The following APOBEC1 variants were observed in gnomAD, a reference collection of about 807,000 sequenced individuals.
The protein encoded by APOBEC1 is C->U-editing enzyme APOBEC-1.
APOBEC1 carries 22 observed loss-of-function variants against 26.3 expected under a neutral mutation model. The observed-to-expected ratio is 0.84, with a 90% CI of 0.60 to 1.19. The LOEUF (loss-of-function observed/expected upper bound fraction) is 1.19, where lower values mean the gene tolerates loss of function less well. Among genes scored for constraint, APOBEC1 ranks in the 50% most tolerant of loss-of-function variants. The pLI is 0.00. For missense variants in APOBEC1, 253 were observed against 289.0 expected (o/e 0.88, Z 0.90); for synonymous variants, 77 against 95.3 (o/e 0.81, Z 1.12).
At chr12:7,655,228 AG>A (rs1863696491) in intron 1 of APOBEC1, among the ~76,000 whole-genome samples, 1 of 151,934 alleles carries the variant, frequency 6.6e-6, no homozygotes. Context: ...AATTAAAAAT[AG>A]GCCCGGTGTG....
intron 1 of APOBEC1, among the ~76,000 whole-genome samples, chr12:7,655,227 T>C (rs916104560): frequency 5.7e-5 from 8 of 140,640 alleles, no homozygotes; most frequent in Non-Finnish European, 1.2e-4. Flanking sequence ...AAATTAAAAA[T>C]AGGCCCGGTG....
chr12:7,661,067 G>A (rs1461176943), intron 1 of APOBEC1, among the ~76,000 whole-genome samples: 1 of 151,028 alleles, frequency 6.6e-6, no homozygotes, highest in Non-Finnish European at 1.5e-5. Context: ...TTAGCCTGGT[G>A]TGGTGGCAGG....
Position 7,652,539 on chromosome 12 carries a change from A to T in APOBEC1, c.341T>A (p.Ile114Asn), listed in dbSNP as rs1293734385. Residue 114 changes from isoleucine to asparagine, a missense_variant, in exon 3 of 5, where the codon ATC (isoleucine) becomes AAC (asparagine). By Grantham distance (149) the Ile-to-Asn change is moderately radical. Transcript: ENST00000229304. ...GTGCCAAAAAAGCCGAGCTACGTAG[A>T]TCACTAGAGTCACACCAGGGTGCCG... ...LSRHPGVTLV[I>N]YVARLFWHMD... 1 of 1,614,234 alleles carries T rather than the reference A, an allele frequency of 6.2e-7. No individual in the cohort carries two copies. Among genetic ancestry groups the T allele is most frequent in the Non-Finnish European group, 8.5e-7 (1 of 1,180,034 alleles).
In APOBEC1 at chr12:7,661,472, A is replaced by G. The variant is rs187796697; in HGVS notation, c.16+4385T>C. ...TGGTAGTGTGGAGAGAAGCCAGGAT[A>G]TCTTTGATGACAGATGATAGATAGA... On this transcript the variant is annotated intron_variant, in intron 1 of 4. Coordinates refer to ENST00000229304, the MANE Select transcript of APOBEC1 (RefSeq NM_001644.5). Among the ~76,000 whole-genome samples, 197 of 152,028 alleles carry G rather than the reference A, an allele frequency of 1.3e-3. 1 individual carries two copies. Among genetic ancestry groups the G allele is most frequent in the Non-Finnish European group, 8.5e-4 (58 of 68,000 alleles).
In APOBEC1 at chr12:7,652,672, A is replaced by T. The variant is rs1555093510; in HGVS notation, c.208T>A (p.Phe70Ile). The T allele has an allele frequency of 1.2e-6, 2 of 1,613,988 alleles. No individual in the cohort carries two copies. Among genetic ancestry groups the T allele is most frequent in the Admixed American group, 3.3e-5 (2 of 59,998 alleles). ...NHVEVNFIKK[F>I]TSERDFHPSM... Reference sequence around the variant, plus strand: ...GGGTGAAAATCTCTTTCTGACGTAAATTTTTTTATAAAATTAACTTCCACG... The same window carrying T: ...GGGTGAAAATCTCTTTCTGACGTAATTTTTTTTATAAAATTAACTTCCACG... The change falls in exon 3 of 5, where the codon TTT becomes ATT. Residue 70 changes from phenylalanine (F) to isoleucine (I), a missense_variant. By Grantham distance (21) the Phe-to-Ile change is conservative. Coordinates refer to ENST00000229304, the MANE Select transcript of APOBEC1 (RefSeq NM_001644.5).
chr12:7,667,922 G>GAAA (rs56061810), upstream of APOBEC1, among the ~76,000 whole-genome samples: 3 of 137,722 alleles, frequency 2.2e-5, no homozygotes, highest in African/African-American at 5.4e-5. Flanking sequence ...AAAAAAAAAA[G>GAAA]AAAAAAAAAA....
At chr12:7,655,338 G>T (rs774265611) in intron 1 of APOBEC1, among the ~76,000 whole-genome samples, 1 of 151,030 alleles carries the variant, frequency 6.6e-6, no homozygotes, top group Admixed American at 6.6e-5. Context: ...TGGAGAAACC[G>T]CATCTCTACT....
chr12:7,667,944 A>G (rs76728382), upstream of APOBEC1, among the ~76,000 whole-genome samples: 440 of 151,182 alleles, frequency 2.9e-3, 4 homozygotes, highest in African/African-American at 0.01. Context: ...AAGGTAAGAT[A>G]ATAGCCATCA....
intron 1 of APOBEC1, among the ~76,000 whole-genome samples, chr12:7,663,403 G>A (rs1360902323): frequency 6.6e-6 from 1 of 152,134 alleles, no homozygotes; most frequent in Non-Finnish European, 1.5e-5. Context: ...ACTATTCCAA[G>A]TGTGACCTGA....
chr12:7,665,067 T>A (rs1033770370), intron 1 of APOBEC1, among the ~76,000 whole-genome samples: 3 of 152,042 alleles, frequency 2.0e-5, no homozygotes, highest in African/African-American at 4.8e-5. Context: ...AAGATAAAAA[T>A]TTTTTTAGGT....
chr12:7,654,259 G>A (rs1488614242), intron 2 of APOBEC1, among the ~76,000 whole-genome samples: 1 of 149,764 alleles, frequency 6.7e-6, no homozygotes, highest in Non-Finnish European at 1.5e-5. Context: ...TAAGAGCAAA[G>A]ATATAAAAAA....
upstream of APOBEC1, chr12:7,665,942 T>C: frequency 1.3e-6 from 2 of 1,577,540 alleles, no homozygotes; most frequent in Non-Finnish European, 1.7e-6. Context: ...CTTTGTTGCT[T>C]CAGGTGTGCC....
intron 1 of APOBEC1, among the ~76,000 whole-genome samples, chr12:7,658,984 A>C (rs1387242380): frequency 6.8e-6 from 1 of 147,038 alleles, no homozygotes; most frequent in Non-Finnish European, 1.5e-5. Context: ...ACTTCCACCA[A>C]AAAAAGAAAA....
rs184675243 is a variant in APOBEC1, at chr12:7,658,840, C to T, written c.17-4208G>A. 5.5e-3 allele frequency among the ~76,000 whole-genome samples: 830 copies of T among 150,994 alleles called. 25 individuals carry two copies. The highest frequency in any genetic ancestry group is 0.049 in the Admixed American group (735 of 15,126). On this transcript the variant is annotated intron_variant, in intron 1 of 4. Transcript: ENST00000229304. ...TGGTGGCACATGCCTGTAATCCCAG[C>T]TACTTGGGAGGCCGAGGCACAAGAA...
intron 2 of APOBEC1, 69 bp downstream of exon 2, chr12:7,654,536 T>C: frequency 1.3e-6 from 2 of 1,500,760 alleles, no homozygotes; most frequent in African/African-American, 1.4e-5. Context: ...TGTGCCACCA[T>C]GCACAGCTCT....
At chr12:7,664,778 A>G (rs1860979) in intron 1 of APOBEC1, among the ~76,000 whole-genome samples, 71,823 of 151,694 alleles carry the variant, frequency 0.47, 17,152 homozygotes, top group South Asian at 0.57. Flanking sequence ...CTGGTGGCCC[A>G]TGCCTGTTGT....
At chr12:7,654,666 C>G (rs1181126924) in intron 1 of APOBEC1, 34 bp from the exon 2 acceptor site, 1 of 1,609,884 alleles carries the variant, frequency 6.2e-7, no homozygotes, top group Non-Finnish European at 8.5e-7. Flanking sequence ...TCAAACAACA[C>G]TCAAATATCA....
At chr12:7,660,375 G>GGAAGGACAGAAA (rs61183510) in intron 1 of APOBEC1, among the ~76,000 whole-genome samples, 8 of 23,970 alleles carry the variant, frequency 3.3e-4, no homozygotes, top group African/African-American at 7.6e-4. Flanking sequence ...AAGGAAGGAA[G>GGAAGGACAGAAA]GAAAGAAAGA....
chr12:7,659,075 A>C (rs1173435544), intron 1 of APOBEC1, among the ~76,000 whole-genome samples: 1 of 149,996 alleles, frequency 6.7e-6, no homozygotes, highest in Non-Finnish European at 1.5e-5. Context: ...CAGGCAGATC[A>C]CCTGAGGTCA....
Sources: allele counts gnomAD v4.1 joint callset (sites outside exome capture counted in the v4.1 genomes callset), GRCh38; gene constraint gnomAD v4.1.1; transcripts MANE v1.5; gene names NCBI Gene and HGNC (gene_info 2026-07-23, HGNC 2026-07-21).